The following BTBD9 variants were observed in gnomAD, a reference collection of about 807,000 sequenced individuals.
The protein encoded by BTBD9 is BTB/POZ domain-containing protein 9.
In BTBD9, 49 loss-of-function variants were observed where a neutral mutation model predicts 64.3. The observed-to-expected ratio is 0.76, with a 90% CI of 0.61 to 0.97. The LOEUF is 0.97. BTBD9 is among the 50% of genes least tolerant of loss of function. The pLI is 0.00. For missense variants in BTBD9, 598 were observed against 762.1 expected (o/e 0.78, Z 2.53); for synonymous variants, 260 against 274.7 (o/e 0.95, Z 0.53).
intron 8 of BTBD9, among the ~76,000 whole-genome samples, 171 bp downstream of exon 8, chr6:38,288,101 G>A (rs1367125854): frequency 2.0e-5 from 3 of 152,042 alleles, no homozygotes; most frequent in Non-Finnish European, 4.4e-5. Context: ...AAACAAGCAC[G>A]CTATATCTCG....
At chr6:38,375,942 GGAAAGAAGGAAAGAAA>G (rs1345583134) in intron 6 of BTBD9, among the ~76,000 whole-genome samples, 3 of 26,164 alleles carry the variant, frequency 1.1e-4, no homozygotes, top group African/African-American at 2.6e-4. Context: ...AAAGAAAGAA[GGAAAGAAGGAAAGAAA>G]GAAAGAAAAA....
intron 7 of BTBD9, among the ~76,000 whole-genome samples, chr6:38,331,435 G>A (rs962031746): frequency 3.3e-5 from 5 of 152,072 alleles, no homozygotes; most frequent in Admixed American, 1.3e-4. Flanking sequence ...CTGAGATCAC[G>A]CCACTGCACT....
rs530052280 is a variant in BTBD9 at position 38,620,457 on chromosome 6, C to T, written c.-28+19343G>A. Among the ~76,000 whole-genome samples the T allele has an allele frequency of 2.9e-4, 44 of 152,320 alleles. 2 individuals are homozygous for T. The South Asian group carries it at 8.5e-3, about 29-fold the overall frequency. ...TTGCCTCAAGGGTTTAGGGATAGCC[C>T]TCATCTGTTTGGTCAGATATTGGCC... On this transcript the variant is annotated intron_variant, in intron 1 of 10. Coordinates refer to ENST00000481247, the MANE Select transcript of BTBD9 (RefSeq NM_001099272.2).
At chr6:38,208,787 CCT>C (rs948174018) in intron 9 of BTBD9, among the ~76,000 whole-genome samples, 7 of 152,132 alleles carry the variant, frequency 4.6e-5, no homozygotes, top group African/African-American at 1.2e-4. Flanking sequence ...TTCCATTCAC[CCT>C]GTTTGTCCAT....
intron 6 of BTBD9, among the ~76,000 whole-genome samples, chr6:38,503,820 G>A (rs759316600): frequency 4.6e-5 from 7 of 152,108 alleles, no homozygotes; most frequent in South Asian, 2.1e-4. Flanking sequence ...CCTTTCTTCC[G>A]TTAAACCTCA....
At chr6:38,358,928 C>T (rs988246615) in intron 6 of BTBD9, among the ~76,000 whole-genome samples, 2 of 151,802 alleles carry the variant, frequency 1.3e-5, no homozygotes, top group South Asian at 2.1e-4. Context: ...CCCGCCACCG[C>T]GCCCGGCTAA....
chr6:38,191,475 GTTA>G (rs1762071628), intron 10 of BTBD9, among the ~76,000 whole-genome samples: 1 of 152,188 alleles, frequency 6.6e-6, no homozygotes, highest in South Asian at 2.1e-4. Flanking sequence ...TGTCACGCTG[GTTA>G]TTATTTGCTA....
rs1476328892 is a variant in BTBD9, at chr6:38,171,573, T to G, written c.*3412A>C. 7 of 29,736 alleles carry G rather than the reference T, an allele frequency of 2.4e-4. No homozygotes were observed. Among genetic ancestry groups the G allele is most frequent in the Middle Eastern group, 0.015 (1 of 66 alleles). The allele number at this position is 29,736 out of a possible 1,614,324, so 1.8% of individuals were successfully genotyped here. The stretch of plus-strand genomic sequence containing the variant: ...TAAAACGGGTGTGTGTGTGTGTGTG[T>G]GTGTGTGTGTGTGTGTGTGTGTGTG... On this transcript the variant is annotated 3_prime_UTR_variant, in exon 11 of 11. Coordinates refer to ENST00000481247, the MANE Select transcript of BTBD9 (RefSeq NM_001099272.2).
intron 9 of BTBD9, among the ~76,000 whole-genome samples, chr6:38,229,757 A>C (rs1763532224): frequency 6.6e-6 from 1 of 152,192 alleles, no homozygotes; most frequent in Non-Finnish European, 1.5e-5. Flanking sequence ...CTGAACCTAA[A>C]TGGAGAGCAT....
intron 6 of BTBD9, among the ~76,000 whole-genome samples, chr6:38,563,590 G>A (rs1218427510): frequency 2.0e-5 from 3 of 151,714 alleles, no homozygotes; most frequent in Non-Finnish European, 4.4e-5. Flanking sequence ...GCTCTTTAAC[G>A]TGCCCCACAC....
chr6:38,500,452 A>G (rs906271325), intron 6 of BTBD9, among the ~76,000 whole-genome samples: 1 of 152,242 alleles, frequency 6.6e-6, no homozygotes, highest in Admixed American at 6.5e-5. Context: ...ACTCAGTAGA[A>G]AAATCCCCAA....
At chr6:38,626,642 C>T (rs951271283) in intron 1 of BTBD9, among the ~76,000 whole-genome samples, 1 of 152,208 alleles carries the variant, frequency 6.6e-6, no homozygotes, top group Non-Finnish European at 1.5e-5. Context: ...CCACACCATA[C>T]TCGAATTCAA....
At chr6:38,459,427 T>C (rs1239646025) in intron 6 of BTBD9, among the ~76,000 whole-genome samples, 1 of 152,184 alleles carries the variant, frequency 6.6e-6, no homozygotes, top group African/African-American at 2.4e-5. Context: ...TTCTGGCCAA[T>C]GGGTTGTGAG....
At chr6:38,634,596 A>G (rs57180089) in intron 1 of BTBD9, among the ~76,000 whole-genome samples, 16,982 of 151,964 alleles carry the variant, frequency 0.11, 1,161 homozygotes, top group Non-Finnish European at 0.15. Flanking sequence ...GGGGGGGGAG[A>G]GGGCATCTAA....
intron 6 of BTBD9, among the ~76,000 whole-genome samples, chr6:38,448,520 C>T (rs1408950194): frequency 6.6e-6 from 1 of 152,102 alleles, no homozygotes; most frequent in Non-Finnish European, 1.5e-5. Context: ...CATATCATCC[C>T]TCTCTTTTTT....
At chr6:38,324,849 A>G (rs1763362423) in intron 7 of BTBD9, among the ~76,000 whole-genome samples, 1 of 152,208 alleles carries the variant, frequency 6.6e-6, no homozygotes, top group Non-Finnish European at 1.5e-5. Flanking sequence ...GATAGACACA[A>G]GGAAATTCAT....
At position 38,396,198 on chromosome 6, in the gene BTBD9, AAG is replaced by A. The variant is rs1229290121; in HGVS notation, c.1155-51107_1155-51106del. ...CAATGGAAGTCACTGGAGGTTTTAA[AAG>A]AGGGAAATGACAGTCAGAGCTACAT... is the stretch of plus-strand genomic sequence containing the variant. On this transcript the variant is annotated intron_variant, in intron 6 of 10. Coordinates refer to ENST00000481247, the MANE Select transcript of BTBD9 (RefSeq NM_001099272.2). 2.0e-5 allele frequency among the ~76,000 whole-genome samples: 3 copies of A among 152,358 alleles called. No homozygotes were observed. In the East Asian group the frequency reaches 5.8e-4, roughly 29 times the overall value.
chr6:38,579,734 A>G (rs778048335), intron 5 of BTBD9, among the ~76,000 whole-genome samples: 7 of 152,244 alleles, frequency 4.6e-5, no homozygotes, highest in South Asian at 4.1e-4. Flanking sequence ...TAGAATACAA[A>G]ACGACTATTA....
chr6:38,549,871 A>G (rs1264456488), intron 6 of BTBD9, among the ~76,000 whole-genome samples: 1 of 152,108 alleles, frequency 6.6e-6, no homozygotes, highest in Non-Finnish European at 1.5e-5. Flanking sequence ...CCAGTCATCA[A>G]TCATCAGTTT....
Sources: gnomAD v4.1 joint callset for allele counts (sites outside exome capture counted in the v4.1 genomes callset) on GRCh38, gnomAD v4.1.1 for gene constraint, MANE v1.5 for transcripts, NCBI Gene and HGNC (gene_info 2026-07-23, HGNC 2026-07-21) for gene names.